The following GALNT13 variants were observed in gnomAD, a reference collection of about 807,000 sequenced individuals.
GALNT13 encodes the protein UDP-GalNAc:polypeptide N-acetylgalactosaminyltransferase 13.
GALNT13 carries 28 observed loss-of-function variants against 64.2 expected under a neutral mutation model. That is an observed-to-expected ratio of 0.44 (90% CI 0.32 to 0.60). GALNT13 has a LOEUF of 0.60. Ranked by LOEUF, GALNT13 falls within the 20% of genes least tolerant of loss-of-function variation. The probability of loss-of-function intolerance (pLI) is 0.05; values close to 1 mark genes in which losing one functional copy is unlikely to be tolerated. For synonymous variants in GALNT13, 214 were observed against 224.6 expected, an observed-to-expected ratio of 0.95 and a Z score of 0.42; for missense variants, 577 against 669.8, an observed-to-expected ratio of 0.86 and a Z score of 1.53.
chr2:153,188,385 C>T, the GALNT13 span, among the ~76,000 whole-genome samples: 1 of 131,408 alleles, frequency 7.6e-6, no homozygotes, highest in African/African-American at 2.7e-5. Context: ...TGGAAATAAA[C>T]TAAATAATAA....
the GALNT13 span, among the ~76,000 whole-genome samples, chr2:153,824,276 A>T: frequency 0.02 from 3,083 of 152,264 alleles, 57 homozygotes; most frequent in Middle Eastern, 0.044. Flanking sequence ...TTGGTGTGTA[A>T]CTAATATAAA....
At chr2:153,258,369 A>AAAAACAAAAC in the GALNT13 span, among the ~76,000 whole-genome samples, 50,868 of 146,908 alleles carry the variant, frequency 0.35, 9,077 homozygotes, top group Middle Eastern at 0.42. Context: ...CTGGTCTCCC[A>AAAAACAAAAC]AAAACAAAAC....
upstream of GALNT13, among the ~76,000 whole-genome samples, chr2:153,869,444 C>A (rs893153617): frequency 2.6e-5 from 4 of 152,162 alleles, no homozygotes; most frequent in Non-Finnish European, 4.4e-5. Context: ...TGACTTTCAT[C>A]ACAGTGACAT....
chr2:153,478,631 G>A, the GALNT13 span: 12 of 1,309,528 alleles, frequency 9.2e-6, no homozygotes, highest in Admixed American at 3.0e-4. Flanking sequence ...GGCGCTGGAG[G>A]AACAGGTGCC....
At chr2:154,181,029 A>C (rs2105729902) in intron 4 of GALNT13, among the ~76,000 whole-genome samples, 1 of 152,298 alleles carries the variant, frequency 6.6e-6, no homozygotes, top group Non-Finnish European at 1.5e-5. Context: ...CATAGGAAAG[A>C]GCCAACTTTT....
the GALNT13 span, among the ~76,000 whole-genome samples, chr2:153,818,049 G>T: frequency 6.6e-6 from 1 of 152,120 alleles, no homozygotes; most frequent in Non-Finnish European, 1.5e-5. Context: ...GACCCACAGA[G>T]AATGGAGAGG....
chr2:153,174,450 G>A, the GALNT13 span, among the ~76,000 whole-genome samples: 4 of 149,880 alleles, frequency 2.7e-5, no homozygotes, highest in African/African-American at 7.4e-5. Flanking sequence ...TGGTGATACC[G>A]CCAAAGCACA....
At chr2:154,116,495 G>A (rs929824112) in intron 3 of GALNT13, among the ~76,000 whole-genome samples, 1 of 152,176 alleles carries the variant, frequency 6.6e-6, no homozygotes, top group Non-Finnish European at 1.5e-5. Flanking sequence ...ACAGGGAGTT[G>A]CAATCCCTGA....
the GALNT13 span, among the ~76,000 whole-genome samples, chr2:153,650,066 T>A: frequency 3.9e-5 from 6 of 152,182 alleles, no homozygotes; most frequent in Non-Finnish European, 5.9e-5. Context: ...AAGTGGGGTG[T>A]TAAAGTTTCC....
chr2:153,695,299 C>T, the GALNT13 span, among the ~76,000 whole-genome samples: 1 of 152,168 alleles, frequency 6.6e-6, no homozygotes, highest in East Asian at 1.9e-4. Context: ...GGCAAAGTGA[C>T]TCACTCTTAT....
At chr2:153,937,842 G>A (rs13420639) in intron 2 of GALNT13, among the ~76,000 whole-genome samples, 17,833 of 152,192 alleles carry the variant, frequency 0.12, 1,709 homozygotes, top group African/African-American at 0.26. Flanking sequence ...TATGTAAGAT[G>A]ATGATTAAGA....
At chr2:153,529,249 A>G in the GALNT13 span, among the ~76,000 whole-genome samples, 3 of 152,092 alleles carry the variant, frequency 2.0e-5, no homozygotes, top group Non-Finnish European at 4.4e-5. Context: ...GATACTGCAG[A>G]AATTCAAAGG....
chr2:153,219,456 G>T, the GALNT13 span, among the ~76,000 whole-genome samples: 1 of 152,162 alleles, frequency 6.6e-6, no homozygotes, highest in East Asian at 1.9e-4. Flanking sequence ...AACAACTCAT[G>T]ACTTAATCCA....
At chr2:153,440,898 A>T in the GALNT13 span, among the ~76,000 whole-genome samples, 3 of 151,658 alleles carry the variant, frequency 2.0e-5, no homozygotes, top group Non-Finnish European at 4.4e-5. Flanking sequence ...TCTGTAGGTT[A>T]CCTCTTCACT....
the GALNT13 span, among the ~76,000 whole-genome samples, chr2:153,368,719 T>TA: frequency 6.6e-6 from 1 of 152,128 alleles, no homozygotes; most frequent in African/African-American, 2.4e-5. Context: ...AATCCACAAT[T>TA]ATAGTTGGAT....
At chr2:153,914,721 C>T (rs1406735930) in intron 2 of GALNT13, among the ~76,000 whole-genome samples, 14 of 152,128 alleles carry the variant, frequency 9.2e-5, no homozygotes, top group African/African-American at 3.4e-4. Flanking sequence ...TTATTCCACC[C>T]CCCAACCCCC....
chr2:153,915,328 T>G (rs1689255059), intron 2 of GALNT13, among the ~76,000 whole-genome samples: 1 of 152,188 alleles, frequency 6.6e-6, no homozygotes, highest in Non-Finnish European at 1.5e-5. Flanking sequence ...TTCTCACTGG[T>G]CTCTACTCTG....
chr2:153,976,379 A>G (rs1694079189), intron 3 of GALNT13, among the ~76,000 whole-genome samples: 1 of 152,126 alleles, frequency 6.6e-6, no homozygotes, highest in Admixed American at 6.5e-5. Context: ...ACCCATTTTA[A>G]TCATGAATCA....
At chr2:153,108,203 T>G in the GALNT13 span, among the ~76,000 whole-genome samples, 3 of 152,174 alleles carry the variant, frequency 2.0e-5, no homozygotes. Flanking sequence ...TATAGGTGGT[T>G]CATAGTAGTG....
Sources: allele counts gnomAD v4.1 joint callset (sites outside exome capture counted in the v4.1 genomes callset), GRCh38; gene constraint gnomAD v4.1.1; transcripts MANE v1.5; gene names NCBI Gene and HGNC (gene_info 2026-07-23, HGNC 2026-07-21).